The following SPATA12 variants were observed in gnomAD, a reference collection of about 807,000 sequenced individuals.
SPATA12 encodes the protein spermatogenesis associated 12.
For missense variants in SPATA12, 219 were observed against 226.4 expected, an observed-to-expected ratio of 0.97 and a Z score of 0.21; for synonymous variants, 85 against 89.2, an observed-to-expected ratio of 0.95 and a Z score of 0.26.
intron 1 of SPATA12, among the ~76,000 whole-genome samples, chr3:57,065,153 T>C (rs1338037402): frequency 6.6e-6 from 1 of 152,194 alleles, no homozygotes; most frequent in Admixed American, 6.5e-5. Context: ...TGGTCTTAAA[T>C]GTTGAAATTA....
intron 1 of SPATA12, among the ~76,000 whole-genome samples, chr3:57,070,121 G>A (rs1705803134): frequency 6.6e-6 from 1 of 152,178 alleles, no homozygotes; most frequent in Non-Finnish European, 1.5e-5. Context: ...ATGGAGCCTG[G>A]CTTCAATTCT....
chr3:57,069,796 C>T (rs751217089), intron 1 of SPATA12, among the ~76,000 whole-genome samples: 1 of 152,032 alleles, frequency 6.6e-6, no homozygotes. Flanking sequence ...AGACATGTGC[C>T]GTCACACCCA....
chr3:57,067,456 A>G (rs1705610868), intron 1 of SPATA12, among the ~76,000 whole-genome samples: 1 of 104,060 alleles, frequency 9.6e-6, no homozygotes, highest in Admixed American at 8.6e-5. Context: ...CTGTCTCAAA[A>G]TAATAATAAT....
At chr3:57,069,373 T>TCAAACA (rs1705748952) in intron 1 of SPATA12, among the ~76,000 whole-genome samples, 1 of 87,850 alleles carries the variant, frequency 1.1e-5, no homozygotes. Context: ...TCTCTGTCTC[T>TCAAACA]CAAACACACA....
At chr3:57,061,646 A>G (rs1705228963) in intron 1 of SPATA12, among the ~76,000 whole-genome samples, 1 of 152,188 alleles carries the variant, frequency 6.6e-6, no homozygotes, top group South Asian at 2.1e-4. Context: ...TTCTTTGGGT[A>G]TATACCCAGA....
intron 1 of SPATA12, among the ~76,000 whole-genome samples, chr3:57,062,494 G>C (rs1437711267): frequency 6.6e-6 from 1 of 152,192 alleles, no homozygotes; most frequent in African/African-American, 2.4e-5. Flanking sequence ...AAGCCTTTCA[G>C]AGAAGAGGGA....
intron 1 of SPATA12, among the ~76,000 whole-genome samples, chr3:57,070,984 AAAAGAAAG>A (rs199600467): frequency 0.084 from 12,398 of 147,672 alleles, 716 homozygotes; most frequent in East Asian, 0.32. Flanking sequence ...AAAAAAAAAA[AAAAGAAAG>A]AAAGAAAGAA....
chr3:57,066,363 G>A (rs952942824), intron 1 of SPATA12, among the ~76,000 whole-genome samples: 3 of 151,862 alleles, frequency 2.0e-5, no homozygotes, highest in African/African-American at 7.3e-5. Flanking sequence ...CCAGGTTCAA[G>A]CGATTCACCT....
chr3:57,067,260 G>A (rs1347097437), intron 1 of SPATA12, among the ~76,000 whole-genome samples: 1 of 151,538 alleles, frequency 6.6e-6, no homozygotes, highest in African/African-American at 2.4e-5. Context: ...GACTATCCTG[G>A]CTAACACGGT....
At chr3:57,067,078 T>C (rs1473065338) in intron 1 of SPATA12, among the ~76,000 whole-genome samples, 1 of 152,192 alleles carries the variant, frequency 6.6e-6, no homozygotes, top group African/African-American at 2.4e-5. Context: ...GGACCTGTAC[T>C]TGCATGAAAT....
rs143572550 is a variant in SPATA12 at position 57,073,925 on chromosome 3, C to G, written c.231C>G (p.Cys77Trp). The G allele has an allele frequency of 6.2e-7, 1 of 1,614,162 alleles. No individual in the cohort carries two copies. Among genetic ancestry groups the G allele is most frequent in the East Asian group, 2.2e-5 (1 of 44,876 alleles). Reference sequence around the variant, plus strand: ...AGCTGACATTTCAGGGGGATGTGTGCCAAAGTGAGACCTGTCAGAGATATT... The same window carrying G: ...AGCTGACATTTCAGGGGGATGTGTGGCAAAGTGAGACCTGTCAGAGATATT... ...LPELTFQGDV[C>W]QSETCQRYLQ... The change falls in exon 2 of 2, where the codon TGC becomes TGG. Residue 77 changes from cysteine (C) to tryptophan (W), a missense_variant. Physicochemically the swap from Cys to Trp is radical, Grantham distance 215. Coordinates refer to ENST00000334325, the MANE Select transcript of SPATA12 (RefSeq NM_181727.2).
In SPATA12 at chr3:57,073,619, A is replaced by T. The variant is rs1164905204; in HGVS notation, c.-76A>T. 6.6e-7 allele frequency: 1 copy of T among 1,514,168 alleles called. No individual in the cohort carries two copies. The highest frequency in any genetic ancestry group is 2.2e-5 in the Admixed American group (1 of 44,892). The allele number at this position is 1,514,168 out of a possible 1,614,324, so 93.8% of individuals were successfully genotyped here. On this transcript the variant is annotated 5_prime_UTR_variant, in exon 2 of 2. It removes an upstream start codon present in the reference 5' UTR. Coordinates refer to ENST00000334325, the MANE Select transcript of SPATA12 (RefSeq NM_181727.2). The stretch of plus-strand genomic sequence containing the variant: ...CAGAGCCAGGTTGCAAGAGTGCTGC[A>T]TGCTCCTCAGGGATTGGCTCCGGCC...
At chr3:57,062,812 A>C (rs1400550563) in intron 1 of SPATA12, among the ~76,000 whole-genome samples, 1 of 152,154 alleles carries the variant, frequency 6.6e-6, no homozygotes, top group Admixed American at 6.5e-5. Context: ...GAAGAATCAA[A>C]TGGCTTTTAA....
intron 1 of SPATA12, among the ~76,000 whole-genome samples, chr3:57,069,376 A>ACACACAC (rs1705749598): frequency 6.8e-6 from 1 of 146,362 alleles, no homozygotes; most frequent in African/African-American, 2.5e-5. Flanking sequence ...CTGTCTCTCA[A>ACACACAC]ACACACACAC....
At chr3:57,072,219 A>G (rs1705946875) in intron 1 of SPATA12, among the ~76,000 whole-genome samples, 1 of 152,220 alleles carries the variant, frequency 6.6e-6, no homozygotes, top group Admixed American at 6.5e-5. Context: ...GCAGTTCCTC[A>G]AAATGTTAAG....
intron 1 of SPATA12, among the ~76,000 whole-genome samples, chr3:57,063,471 G>A (rs926363038): frequency 3.3e-5 from 5 of 152,190 alleles, no homozygotes; most frequent in African/African-American, 1.2e-4. Flanking sequence ...GAATGACCTG[G>A]AGGGTGGTAG....
Position 57,073,529 on chromosome 3 carries a change from CTGTTTGA to C in SPATA12, c.-165_-159del. On this transcript the variant is annotated 5_prime_UTR_variant, in exon 2 of 2. An upstream open reading frame in the 5' UTR loses its in-frame stop. Transcript: ENST00000334325. ...ATCTGGGTGACTGTGGGGTTTGGCT[CTGTTTGA>C]GCACCCCGGGATGATTGGTGGTGGG... 1 of 1,190,208 alleles carries C rather than the reference CTGTTTGA, an allele frequency of 8.4e-7. No individual in the cohort carries two copies. Among genetic ancestry groups the C allele is most frequent in the Admixed American group, 3.0e-5 (1 of 33,564 alleles). 73.7% of individuals were successfully genotyped at this position (1,190,208 alleles called of 1,614,324 possible). A position where few individuals can be genotyped will look rare whatever the true frequency, so the allele number is the denominator to read the frequency against.
intron 1 of SPATA12, among the ~76,000 whole-genome samples, chr3:57,068,007 A>C (rs1705659091): frequency 6.6e-6 from 1 of 151,888 alleles, no homozygotes; most frequent in South Asian, 2.1e-4. Context: ...ACAAAAACAA[A>C]CAAACAACAA....
intron 1 of SPATA12, 85 bp downstream of exon 1, chr3:57,060,871 C>T (rs139792847): frequency 6.2e-4 from 94 of 150,456 alleles, no homozygotes; most frequent in African/African-American, 2.1e-3. Flanking sequence ...CTTTTTTGGC[C>T]TGTGCCTGTT....
Sources: gnomAD v4.1 joint callset for allele counts (sites outside exome capture counted in the v4.1 genomes callset) on GRCh38, gnomAD v4.1.1 for gene constraint, MANE v1.5 for transcripts, NCBI Gene and HGNC (gene_info 2026-07-23, HGNC 2026-07-21) for gene names.